Variants in VGLL4 observed in about 807,000 individuals in gnomAD.
The protein encoded by VGLL4 is transcription cofactor vestigial-like protein 4.
Under a neutral mutation model 21.0 loss-of-function variants are expected in VGLL4, and 7 were observed. The ratio of observed to expected loss-of-function variants is 0.33; its 90% CI spans 0.19 to 0.63. The LOEUF (loss-of-function observed/expected upper bound fraction) is 0.63. Among genes scored for constraint, VGLL4 ranks in the 20% least tolerant of loss-of-function variants. The probability of loss-of-function intolerance (pLI) is 0.78; values close to 1 mark genes in which losing one functional copy is unlikely to be tolerated. For synonymous variants in VGLL4, 222 were observed against 173.2 expected (o/e 1.28, Z -2.21); for missense variants, 394 against 425.7 (o/e 0.93, Z 0.66).
At chr3:11,575,997 A>C (rs2074033053) in intron 2 of VGLL4, among the ~76,000 whole-genome samples, 3 of 152,228 alleles carry the variant, frequency 2.0e-5, no homozygotes, top group African/African-American at 7.2e-5. Flanking sequence ...AACTCTATGT[A>C]AATAAGGTAC....
chr3:11,570,384 GT>G (rs1390748237), intron 2 of VGLL4, among the ~76,000 whole-genome samples: 1 of 152,168 alleles, frequency 6.6e-6, no homozygotes, highest in Non-Finnish European at 1.5e-5. Context: ...ACCAAGGTCT[GT>G]CCCCGGACAG....
In VGLL4 at chr3:11,568,887, C is replaced by T; in HGVS notation, c.273-3868G>A. On this transcript the variant is annotated intron_variant, in intron 2 of 4. Coordinates refer to ENST00000430365, the MANE Select transcript of VGLL4 (RefSeq NM_001128219.3). The surrounding 1 kb of genome is among the most constrained non-coding windows in gnomAD (Gnocchi z 5.9). ...GCCGCTGAGGCTGCACGGCACCCGG[C>T]CCCGCCCCGGGCCTCATCCCCATCC... 7.5e-7 allele frequency: 1 copy of T among 1,330,678 alleles called. No homozygotes were observed. Among genetic ancestry groups the T allele is most frequent in the Non-Finnish European group, 9.6e-7 (1 of 1,037,592 alleles). 82.4% of individuals were successfully genotyped at this position (1,330,678 alleles called of 1,614,324 possible). A position where few individuals can be genotyped will look rare whatever the true frequency, so the allele number is the denominator to read the frequency against.
chr3:11,630,119 G>A (rs1324022729), intron 1 of VGLL4, among the ~76,000 whole-genome samples: 4 of 152,058 alleles, frequency 2.6e-5, no homozygotes, highest in African/African-American at 9.7e-5. Flanking sequence ...CACTACCTCT[G>A]CCATGAAATT....
At chr3:11,704,400 A>AGAAAG (rs1280132110) in intron 1 of VGLL4, among the ~76,000 whole-genome samples, 1 of 148,008 alleles carries the variant, frequency 6.8e-6, no homozygotes, top group African/African-American at 2.5e-5. Flanking sequence ...AAAAAAAAAA[A>AGAAAG]AAAAAGAAAA....
chr3:11,633,934 T>C (rs966804816), intron 1 of VGLL4, among the ~76,000 whole-genome samples: 3 of 151,916 alleles, frequency 2.0e-5, no homozygotes, highest in Admixed American at 2.0e-4. Context: ...GAAGATGAGA[T>C]TAGAGGCAGG....
At position 11,558,784 on chromosome 3, in the gene VGLL4, C is replaced by T. The variant is rs779056041; in HGVS notation, c.663G>A (p.Arg221=). Residue 221 remains arginine, a synonymous_variant, in exon 5 of 5, where the codon AGG becomes AGA. Transcript: ENST00000430365. ...CDPVVEEHFR[R]SLGKNYKEPE... Reference sequence around the variant, plus strand: ...GCTCCTTGTAATTCTTGCCCAGGCTCCTGCGGAAATGCTCCTCCACCACGG... The same window carrying T: ...GCTCCTTGTAATTCTTGCCCAGGCTTCTGCGGAAATGCTCCTCCACCACGG... The T allele has an allele frequency of 6.2e-7, 1 of 1,613,856 alleles. No individual in the cohort carries two copies. Among genetic ancestry groups the T allele is most frequent in the African/African-American group, 1.3e-5 (1 of 74,940 alleles).
chr3:11,643,977 C>A, upstream of VGLL4: 1 of 990,440 alleles, frequency 1.0e-6, no homozygotes, highest in Middle Eastern at 5.2e-4. Context: ...ATGCTCACTG[C>A]GCCGCGCTGC....
chr3:11,639,414 A>G (rs1220992309), intron 1 of VGLL4, among the ~76,000 whole-genome samples: 3 of 152,192 alleles, frequency 2.0e-5, no homozygotes. Context: ...CCTTTCCCCA[A>G]CATCACAACA....
intron 2 of VGLL4, among the ~76,000 whole-genome samples, chr3:11,582,105 G>A (rs2074244335): frequency 6.6e-6 from 1 of 152,232 alleles, no homozygotes; most frequent in African/African-American, 2.4e-5. Context: ...GGTGGCGTTT[G>A]GGGAGAAGGG....
chr3:11,560,525 A>C (rs941519574), intron 3 of VGLL4, among the ~76,000 whole-genome samples: 31 of 152,300 alleles, frequency 2.0e-4, no homozygotes, highest in African/African-American at 7.2e-4. Context: ...AGCTGGTATA[A>C]AGACACAAAA....
At chr3:11,635,178 A>C (rs1212348173) in intron 1 of VGLL4, among the ~76,000 whole-genome samples, 1 of 152,238 alleles carries the variant, frequency 6.6e-6, no homozygotes, top group Non-Finnish European at 1.5e-5. Flanking sequence ...AAGGGCAGAA[A>C]GGGAGTAGAG....
intron 2 of VGLL4, among the ~76,000 whole-genome samples, chr3:11,655,272 T>C (rs2075940657): frequency 6.6e-6 from 1 of 152,150 alleles, no homozygotes; most frequent in Admixed American, 6.5e-5. Context: ...CCCCTCCCCT[T>C]AGGGGTCAGG....
intron 1 of VGLL4, among the ~76,000 whole-genome samples, chr3:11,628,629 G>A (rs558722664): frequency 3.3e-5 from 5 of 151,148 alleles, no homozygotes; most frequent in South Asian, 4.2e-4. Flanking sequence ...GACCATCCTA[G>A]CTAACACGGT....
At chr3:11,672,117 G>C (rs1362087172) in intron 2 of VGLL4, among the ~76,000 whole-genome samples, 8 of 152,170 alleles carry the variant, frequency 5.3e-5, no homozygotes, top group Admixed American at 2.6e-4. Context: ...GTGGAATTAG[G>C]AAACCAACAA....
At position 11,604,614 on chromosome 3, in the gene VGLL4, G is replaced by C. The variant is rs79617729; in HGVS notation, c.83-2592C>G. ...TAAAACTGAAGCAGACATTTGTTCT[G>C]GGAGATAAGACACTTGCATTGCAAT... On this transcript the variant is annotated intron_variant, in intron 1 of 4. Transcript: ENST00000430365. 3,087 of 821,666 alleles carry C rather than the reference G, an allele frequency of 3.8e-3. 378 individuals are homozygous for C. In the African/African-American group the frequency reaches 0.054, roughly 14 times the overall value. The allele number at this position is 821,666 out of a possible 1,614,324, so 50.9% of individuals were successfully genotyped here. A position where few individuals can be genotyped will look rare whatever the true frequency, so the allele number is the denominator to read the frequency against.
chr3:11,694,158 G>A (rs1161631752), intron 2 of VGLL4, among the ~76,000 whole-genome samples: 1 of 152,142 alleles, frequency 6.6e-6, no homozygotes, highest in Non-Finnish European at 1.5e-5. Context: ...CTTCAACTGA[G>A]GTCCCCAGAC....
chr3:11,667,834 A>ATCT (rs1434172839), intron 2 of VGLL4, among the ~76,000 whole-genome samples: 3 of 123,724 alleles, frequency 2.4e-5, no homozygotes, highest in East Asian at 2.3e-4. Flanking sequence ...TCAAATTTCT[A>ATCT]TCTTCTTCTT....
In VGLL4 at chr3:11,565,117, A is replaced by G. The variant is rs2125132652; in HGVS notation, c.273-98T>C. On this transcript the variant is annotated intron_variant, in intron 2 of 4. Coordinates refer to ENST00000430365, the MANE Select transcript of VGLL4 (RefSeq NM_001128219.3). This position sits in a 1 kb window ranked among gnomAD's most constrained non-coding sequence, Gnocchi z 4.1. ...CTCCGTGTTGCTTATTTAATTTTTT[A>G]CCCTGAAGCTCAGGTCGTGTGGCTG... is the stretch of plus-strand genomic sequence containing the variant. The G allele has an allele frequency of 8.4e-7, 1 of 1,189,006 alleles. No homozygotes were observed. Among genetic ancestry groups the G allele is most frequent in the East Asian group, 3.1e-5 (1 of 31,856 alleles). The allele number at this position is 1,189,006 out of a possible 1,614,324, so 73.7% of individuals were successfully genotyped here.
Position 11,569,630 on chromosome 3 carries a change from C to T in VGLL4, c.273-4611G>A, listed in dbSNP as rs923517155. Among the ~76,000 whole-genome samples the T allele has an allele frequency of 3.9e-5, 6 of 152,252 alleles. No individual in the cohort carries two copies. The East Asian group carries it at 7.7e-4, about 20-fold the overall frequency. On this transcript the variant is annotated intron_variant, in intron 2 of 4. Coordinates refer to ENST00000430365, the MANE Select transcript of VGLL4 (RefSeq NM_001128219.3). Reference sequence around the variant, plus strand: ...GACACAGCCCCATCTCCAGCCCTTTCGTCCTCTCTCTCCCACCGCAGCAGT... The same window carrying T: ...GACACAGCCCCATCTCCAGCCCTTTTGTCCTCTCTCTCCCACCGCAGCAGT...
Sources: allele counts gnomAD v4.1 joint callset (sites outside exome capture counted in the v4.1 genomes callset), GRCh38; gene constraint gnomAD v4.1.1; non-coding constraint Gnocchi (gnomAD v3.1); transcripts MANE v1.5; gene names NCBI Gene and HGNC (gene_info 2026-07-23, HGNC 2026-07-21).